Variants in PYGO2 observed in about 807,000 individuals in gnomAD.
PYGO2 encodes pygopus homolog 2.
A neutral mutation model predicts 26.7 loss-of-function variants in PYGO2; 9 were observed. The observed-to-expected ratio is 0.34, with a 90% CI of 0.20 to 0.59. The LOEUF is 0.59. Among genes scored for constraint, PYGO2 ranks in the 20% least tolerant of loss-of-function variants. The probability of loss-of-function intolerance (pLI) is 0.84; values close to 1 mark genes in which losing one functional copy is unlikely to be tolerated. For synonymous variants in PYGO2, 236 were observed against 219.0 expected (o/e 1.08, Z -0.68); for missense variants, 538 against 561.5 (o/e 0.96, Z 0.42).
Position 154,959,266 on chromosome 1 carries a change from G to A in PYGO2, c.734C>T (p.Pro245Leu), listed in dbSNP as rs752420552. ...PSLPPNTSPF[P>L]GPDPGFPGPG... ...GCCAGGAAAGCCAGGGTCCGGACCA[G>A]GAAAGGGACTTGTGTTAGGCGGCAG... Residue 245 changes from proline (P) to leucine (L), a missense_variant, in exon 3 of 3, where the codon CCT becomes CTT. Physicochemically the swap from Pro to Leu is moderately conservative, Grantham distance 98 (BLOSUM62 -3). Transcript: ENST00000368457. This position sits in a 1 kb window ranked among gnomAD's most constrained non-coding sequence, Gnocchi z 4.7. 5.1e-6 allele frequency: 8 copies of A among 1,572,046 alleles called. No individual in the cohort carries two copies. Among genetic ancestry groups the A allele is most frequent in the Non-Finnish European group, 6.9e-6 (8 of 1,160,580 alleles).
chr1:154,959,550 C>T lies in PYGO2; in HGVS notation c.450G>A (p.Gln150=). ...TGCCTGGGGGTGGGTAGCCAGGACC[C>T]TGGGGGGGCATGTTGAAAGCAGGGC... is the stretch of plus-strand genomic sequence containing the variant. ...PMGPAFNMPP[Q]GPGYPPPGNM... is the part of the protein sequence containing the mutation. Residue 150 remains glutamine (Q), a synonymous_variant, in exon 3 of 3, where the codon CAG becomes CAA. Transcript: ENST00000368457. This position sits in a 1 kb window ranked among gnomAD's most constrained non-coding sequence, Gnocchi z 4.7. 6.9e-7 allele frequency: 1 copy of T among 1,455,254 alleles called. No homozygotes were observed. The highest frequency in any genetic ancestry group is 9.1e-7 in the Non-Finnish European group (1 of 1,100,348). 90.1% of individuals were successfully genotyped at this position (1,455,254 alleles called of 1,614,324 possible). A position where few individuals can be genotyped will look rare whatever the true frequency, so the allele number is the denominator to read the frequency against.
In PYGO2 at chr1:154,961,511, AGGGGGCGGTGCG is replaced by A. The variant is rs1272230239; in HGVS notation, c.54_65del (p.Pro22_Pro25del). ...GCTTCCTCCCGGTGCTGGGCGGCGC[AGGGGGCGGTGCG>A]GGGCCGCCACCTCCCTCCAGCTTGT... On this transcript the variant is annotated inframe_deletion, in exon 1 of 3. Transcript: ENST00000368457. 1 of 1,451,086 alleles carries A rather than the reference AGGGGGCGGTGCG, an allele frequency of 6.9e-7. No individual in the cohort carries two copies. The highest frequency in any genetic ancestry group is 1.5e-5 in the African/African-American group (1 of 66,982). The allele number at this position is 1,451,086 out of a possible 1,614,324, so 89.9% of individuals were successfully genotyped here. A position where few individuals can be genotyped will look rare whatever the true frequency, so the allele number is the denominator to read the frequency against.
Position 154,959,831 on chromosome 1 carries a change from G to T in PYGO2, c.169C>A (p.His57Asn), listed in dbSNP as rs765542479. ...KSNTQGPAYSHLTEFAPPPTP... is the reference protein window; with the variant it reads ...KSNTQGPAYSNLTEFAPPPTP... ...GGGGGTGGTGCAAACTCCGTCAGAT[G>T]TGAGTATGCAGGGCCCTAGTGAGAA... Residue 57 changes from histidine (H) to asparagine (N), a missense_variant, in exon 3 of 3, where the codon CAT (histidine) becomes AAT (asparagine). This residue lies in a region of PYGO2 where 79 missense variants were observed against 92.7 expected (regional missense o/e 0.85). Transcript: ENST00000368457. The surrounding 1 kb of genome is among the most constrained non-coding windows in gnomAD (Gnocchi z 4.7). 7.4e-7 allele frequency: 1 copy of T among 1,358,682 alleles called. No individual in the cohort carries two copies. Among genetic ancestry groups the T allele is most frequent in the Non-Finnish European group, 9.6e-7 (1 of 1,045,194 alleles). The allele number at this position is 1,358,682 out of a possible 1,614,324, so 84.2% of individuals were successfully genotyped here.
At position 154,959,825 on chromosome 1, in the gene PYGO2, T is replaced by G. The variant is rs920615660; in HGVS notation, c.175A>C (p.Thr59Pro). Residue 59 changes from threonine to proline, a missense_variant, in exon 3 of 3, where the codon ACG becomes CCG. By Grantham distance (38) the Thr-to-Pro change is conservative. Around this residue, in one of 4 missense-constraint regions of PYGO2, gnomAD observed 79 missense variants for 92.7 expected, o/e 0.85. Coordinates refer to ENST00000368457, the MANE Select transcript of PYGO2 (RefSeq NM_138300.4). The surrounding 1 kb of genome is among the most constrained non-coding windows in gnomAD (Gnocchi z 4.7). ...NTQGPAYSHL[T>P]EFAPPPTPMV... ...GGAGTTGGGGGTGGTGCAAACTCCG[T>G]CAGATGTGAGTATGCAGGGCCCTAG... The G allele has an allele frequency of 7.4e-7, 1 of 1,359,098 alleles. No homozygotes were observed. Among genetic ancestry groups the G allele is most frequent in the Non-Finnish European group, 9.6e-7 (1 of 1,045,634 alleles). 84.2% of individuals were successfully genotyped at this position (1,359,098 alleles called of 1,614,324 possible). A position where few individuals can be genotyped will look rare whatever the true frequency, so the allele number is the denominator to read the frequency against.
Position 154,959,858 on chromosome 1 carries a change from C to A in PYGO2, c.154-12G>T, listed in dbSNP as rs1655285518. The A allele has an allele frequency of 1.5e-6, 2 of 1,313,396 alleles. No homozygotes were observed. The highest frequency in any genetic ancestry group is 2.0e-6 in the Non-Finnish European group (2 of 1,015,452). The allele number at this position is 1,313,396 out of a possible 1,614,324, so 81.4% of individuals were successfully genotyped here. A position where few individuals can be genotyped will look rare whatever the true frequency, so the allele number is the denominator to read the frequency against. ...GAGTATGCAGGGCCCTAGTGAGAAA[C>A]AGTTGAGGGAAAGAGGGTCATGGAG... On this transcript the variant is annotated splice_polypyrimidine_tract_variant and intron_variant, in intron 2 of 2. Transcript: ENST00000368457. This position sits in a 1 kb window ranked among gnomAD's most constrained non-coding sequence, Gnocchi z 4.7.
In PYGO2 at chr1:154,960,974, C is replaced by CGAAT; in HGVS notation, c.153+2_153+3insATTC. ...ACCAAACCCACCACCAACCACCATTCACCTGAGTATTTGACTTCCTTCGCT... is the reference window on the plus strand; with the variant it reads ...ACCAAACCCACCACCAACCACCATTCGAATACCTGAGTATTTGACTTCCTTCGCT... On this transcript the variant is annotated splice_region_variant and intron_variant, in intron 2 of 2. Transcript: ENST00000368457. The CGAAT allele has an allele frequency of 6.2e-7, 1 of 1,614,126 alleles. No individual in the cohort carries two copies. Among genetic ancestry groups the CGAAT allele is most frequent in the Non-Finnish European group, 8.5e-7 (1 of 1,179,982 alleles).
At position 154,958,651 on chromosome 1, in the gene PYGO2, G is replaced by A. The variant is rs1041540005; in HGVS notation, c.*128C>T. 2 of 740,090 alleles carry A rather than the reference G, an allele frequency of 2.7e-6. No individual in the cohort carries two copies. The highest frequency in any genetic ancestry group is 3.5e-5 in the African/African-American group (2 of 56,618). The allele number at this position is 740,090 out of a possible 1,614,324, so 45.8% of individuals were successfully genotyped here. ...ACCTCAATTCCTTTTCTGCTCCCAGGAGCCACTGTTTCTGCCCCATGGGGA... is the reference window on the plus strand; with the variant it reads ...ACCTCAATTCCTTTTCTGCTCCCAGAAGCCACTGTTTCTGCCCCATGGGGA... On this transcript the variant is annotated 3_prime_UTR_variant, in exon 3 of 3. Coordinates refer to ENST00000368457, the MANE Select transcript of PYGO2 (RefSeq NM_138300.4).
Position 154,957,926 on chromosome 1 carries a change from C to T in PYGO2, c.*853G>A, listed in dbSNP as rs151049555. 1.3e-5 allele frequency: 2 copies of T among 152,808 alleles called. No individual in the cohort carries two copies. The highest frequency in any genetic ancestry group is 3.8e-4 in the East Asian group (2 of 5,322). 9.5% of individuals were successfully genotyped at this position (152,808 alleles called of 1,614,324 possible). On this transcript the variant is annotated 3_prime_UTR_variant, in exon 3 of 3. Transcript: ENST00000368457. ...AGAACACACGGAGTATAATGTGCAA[C>T]AGATGGGCTGGGGGAGGAGGGTACC...
At position 154,958,402 on chromosome 1, in the gene PYGO2, GGGTGTTAGGCACA is replaced by G. The variant is rs1275063034; in HGVS notation, c.*364_*376del. The G allele has an allele frequency of 5.0e-6, 1 of 199,024 alleles. No homozygotes were observed. The highest frequency in any genetic ancestry group is 2.3e-5 in the African/African-American group (1 of 42,800). 12.3% of individuals were successfully genotyped at this position (199,024 alleles called of 1,614,324 possible). ...AGGCTGGAGCTGTGGGGTTCAGTAGGGGTGTTAGGCACAGGTGTTAGGGGCATCCATCATCAGC... is the reference window on the plus strand; with the variant it reads ...AGGCTGGAGCTGTGGGGTTCAGTAGGGGTGTTAGGGGCATCCATCATCAGC... On this transcript the variant is annotated 3_prime_UTR_variant, in exon 3 of 3. Coordinates refer to ENST00000368457, the MANE Select transcript of PYGO2 (RefSeq NM_138300.4).
chr1:154,961,561 G>T lies in PYGO2; in HGVS notation c.16C>A (p.Pro6Thr). Residue 6 changes from proline to threonine, a missense_variant, in exon 1 of 3, where the codon CCG becomes ACG. By Grantham distance (38) the Pro-to-Thr change is conservative. Around this residue, in one of 4 missense-constraint regions of PYGO2, gnomAD observed 79 missense variants for 92.7 expected, o/e 0.85. Transcript: ENST00000368457. MAASAPPPPDKLEGGG... is the reference protein window; with the variant it reads MAASATPPPDKLEGGG... ...CCCTCCAGCTTGTCCGGTGGGGGCG[G>T]CGCCGAGGCGGCCATGGAGTGGGGG... The T allele has an allele frequency of 2.2e-6, 3 of 1,377,146 alleles. No individual in the cohort carries two copies. Among genetic ancestry groups the T allele is most frequent in the Non-Finnish European group, 2.8e-6 (3 of 1,071,940 alleles). 85.3% of individuals were successfully genotyped at this position (1,377,146 alleles called of 1,614,324 possible).
Position 154,959,396 on chromosome 1 carries a change from G to C in PYGO2, c.604C>G (p.Pro202Ala), listed in dbSNP as rs1655270869. 1 of 1,598,096 alleles carries C rather than the reference G, an allele frequency of 6.3e-7. No individual in the cohort carries two copies. Among genetic ancestry groups the C allele is most frequent in the Non-Finnish European group, 8.5e-7 (1 of 1,173,416 alleles). ...GAAGGTGGGCCCAGCTCTGCTCTGGGAGGCTGTCCCATGGTGGGTGAGATC... is the reference window on the plus strand; with the variant it reads ...GAAGGTGGGCCCAGCTCTGCTCTGGCAGGCTGTCCCATGGTGGGTGAGATC... ...PMISPTMGQPPRAELGPPSLS... is the reference protein window; with the variant it reads ...PMISPTMGQPARAELGPPSLS... The change falls in exon 3 of 3, where the codon CCC (proline) becomes GCC (alanine). Residue 202 changes from proline (P) to alanine (A), a missense_variant. By Grantham distance (27) the Pro-to-Ala change is conservative. Transcript: ENST00000368457. This position sits in a 1 kb window ranked among gnomAD's most constrained non-coding sequence, Gnocchi z 4.7.
At position 154,959,449 on chromosome 1, in the gene PYGO2, G is replaced by C. The variant is rs371442704; in HGVS notation, c.551C>G (p.Pro184Arg). The change falls in exon 3 of 3, where the codon CCG (proline) becomes CGG (arginine). Residue 184 changes from proline to arginine, a missense_variant. Pro to Arg is a moderately radical substitution (Grantham distance 103). This residue lies in a region of PYGO2 where 381 missense variants were observed against 336.6 expected (regional missense o/e 1.13). Coordinates refer to ENST00000368457, the MANE Select transcript of PYGO2 (RefSeq NM_138300.4). The surrounding 1 kb of genome is among the most constrained non-coding windows in gnomAD (Gnocchi z 4.7). ...GGGACCAAATCCCCCCACTGGGCCC[G>C]GCATCATCTGCCCACTGGGAGGACT... ...NFSPPSGQMM[P>R]GPVGGFGPMI... 2.6e-6 allele frequency: 4 copies of C among 1,525,676 alleles called. No individual in the cohort carries two copies. Among genetic ancestry groups the C allele is most frequent in the East Asian group, 2.3e-5 (1 of 43,514 alleles). 94.5% of individuals were successfully genotyped at this position (1,525,676 alleles called of 1,614,324 possible). A position where few individuals can be genotyped will look rare whatever the true frequency, so the allele number is the denominator to read the frequency against.
rs776156850 is a variant in PYGO2 at position 154,958,958 on chromosome 1, C to A, written c.1042G>T (p.Ala348Ser). 6.2e-7 allele frequency: 1 copy of A among 1,614,068 alleles called. No individual in the cohort carries two copies. The highest frequency in any genetic ancestry group is 8.5e-7 in the Non-Finnish European group (1 of 1,180,038). Residue 348 changes from alanine to serine, a missense_variant, in exon 3 of 3, where the codon GCC becomes TCC. Around this residue, in one of 4 missense-constraint regions of PYGO2, gnomAD observed 72 missense variants for 111.9 expected, o/e 0.64. Transcript: ENST00000368457. ...CGGTGGAACCATTTCTGGCAGGAGGCCTCACACAGAATGGCATCCTGGTCA... is the reference window on the plus strand; with the variant it reads ...CGGTGGAACCATTTCTGGCAGGAGGACTCACACAGAATGGCATCCTGGTCA... Reference protein sequence around the residue: ...NDDQDAILCEASCQKWFHREC... With the variant: ...NDDQDAILCESSCQKWFHREC...
chr1:154,958,557 T>C lies in PYGO2; in HGVS notation c.*222A>G, dbSNP rs1458790862. The C allele has an allele frequency of 7.2e-6, 4 of 556,150 alleles. No individual in the cohort carries two copies. In the East Asian group the frequency reaches 1.2e-4, roughly 17 times the overall value. The allele number at this position is 556,150 out of a possible 1,614,324, so 34.5% of individuals were successfully genotyped here. ...TCTGCTCAGCAGGGCTTTGGTTTCC[T>C]GGATCTCTGTAGATCTCAACATGTA... On this transcript the variant is annotated 3_prime_UTR_variant, in exon 3 of 3. Coordinates refer to ENST00000368457, the MANE Select transcript of PYGO2 (RefSeq NM_138300.4).
In PYGO2 at chr1:154,959,413, G is replaced by T; in HGVS notation, c.587C>A (p.Pro196His). 6.3e-7 allele frequency: 1 copy of T among 1,576,134 alleles called. No homozygotes were observed. Among genetic ancestry groups the T allele is most frequent in the Non-Finnish European group, 8.6e-7 (1 of 1,163,914 alleles). ...PVGGFGPMIS[P>H]TMGQPPRAEL... ...TGCTCTGGGAGGCTGTCCCATGGTG[G>T]GTGAGATCATGGGACCAAATCCCCC... Residue 196 changes from proline (P) to histidine (H), a missense_variant, in exon 3 of 3, where the codon CCC becomes CAC. Physicochemically the swap from Pro to His is moderately conservative, Grantham distance 77. Transcript: ENST00000368457. The surrounding 1 kb of genome is among the most constrained non-coding windows in gnomAD (Gnocchi z 4.7).
chr1:154,959,727 G>T lies in PYGO2; in HGVS notation c.273C>A (p.Ala91=). Residue 91 remains alanine (A), a synonymous_variant, in exon 3 of 3, where the codon GCC becomes GCA. Coordinates refer to ENST00000368457, the MANE Select transcript of PYGO2 (RefSeq NM_138300.4). This position sits in a 1 kb window ranked among gnomAD's most constrained non-coding sequence, Gnocchi z 4.7. ...DFGAPKVGVA[A]PPFLGSPVPF... ...GCACAGGACTGCCAAGGAATGGAGG[G>T]GCTGCAACCCCCACTTTGGGGGCTC... 7.1e-7 allele frequency: 1 copy of T among 1,403,044 alleles called. No individual in the cohort carries two copies. The highest frequency in any genetic ancestry group is 1.5e-5 in the African/African-American group (1 of 67,654). The allele number at this position is 1,403,044 out of a possible 1,614,324, so 86.9% of individuals were successfully genotyped here. A position where few individuals can be genotyped will look rare whatever the true frequency, so the allele number is the denominator to read the frequency against.
At position 154,959,235 on chromosome 1, in the gene PYGO2, A is replaced by C. The variant is rs1423045729; in HGVS notation, c.765T>G (p.Gly255=). 4 of 1,564,136 alleles carry C rather than the reference A, an allele frequency of 2.6e-6. No individual in the cohort carries two copies. Among genetic ancestry groups the C allele is most frequent in the Non-Finnish European group, 3.5e-6 (4 of 1,156,456 alleles). Residue 255 remains glycine, a synonymous_variant, in exon 3 of 3, where the codon GGT becomes GGG. Transcript: ENST00000368457. The surrounding 1 kb of genome is among the most constrained non-coding windows in gnomAD (Gnocchi z 4.7). ...TCAAGGGCTTCCCCCCATCCTCACC[A>C]CCAGGGCCAGGAAAGCCAGGGTCCG... is the stretch of plus-strand genomic sequence containing the variant. ...PGPDPGFPGP[G]GEDGGKPLNP...
Position 154,961,760 on chromosome 1 carries a change from C to T in PYGO2, c.-184G>A, listed in dbSNP as rs1026121306. On this transcript the variant is annotated 5_prime_UTR_variant, in exon 1 of 3. Coordinates refer to ENST00000368457, the MANE Select transcript of PYGO2 (RefSeq NM_138300.4). ...CGCTCTCTCCAGACTCGCCGCCCGC[C>T]AGCGGCGGCAGCAACCGGAACCGGA... The T allele has an allele frequency of 2.5e-5, 10 of 402,182 alleles. No homozygotes were observed. The highest frequency in any genetic ancestry group is 8.9e-5 in the Admixed American group (2 of 22,446). The allele number at this position is 402,182 out of a possible 1,614,324, so 24.9% of individuals were successfully genotyped here.
At chr1:154,960,913 CAGAGT>C in intron 2 of PYGO2, 59 bp downstream of exon 2, 2 of 1,415,696 alleles carry the variant, frequency 1.4e-6, no homozygotes, top group Non-Finnish European at 2.0e-6. Context: ...ACTGGAATGG[CAGAGT>C]AGACAGTGTG....
Sources: allele counts gnomAD v4.1 joint callset, GRCh38; gene constraint gnomAD v4.1.1; regional missense constraint gnomAD v4.1.1; non-coding constraint Gnocchi (gnomAD v3.1); transcripts MANE v1.5; gene names NCBI Gene and HGNC (gene_info 2026-07-23, HGNC 2026-07-21).